The following PTPRG variants were observed in gnomAD, a reference collection of about 807,000 sequenced individuals.
PTPRG encodes the protein receptor-type tyrosine-protein phosphatase gamma.
A neutral mutation model predicts 165.3 loss-of-function variants in PTPRG; 102 were observed. The observed-to-expected ratio is 0.62, with a 90% confidence interval of 0.53 to 0.73. The LOEUF (loss-of-function observed/expected upper bound fraction) is 0.73, where lower values mean the gene tolerates loss of function less well. Among genes scored for constraint, PTPRG ranks in the 30% least tolerant of loss-of-function variants. The pLI is 0.00. For synonymous variants in PTPRG, 675 were observed against 669.5 expected (o/e 1.01, Z -0.13); for missense variants, 1,866 against 1,861.4 (o/e 1.00, Z -0.05).
chr3:61,986,720 C>G (rs1482566217), intron 2 of PTPRG, among the ~76,000 whole-genome samples: 1 of 152,084 alleles, frequency 6.6e-6, no homozygotes, highest in Non-Finnish European at 1.5e-5. Context: ...AGTTGGTGAG[C>G]CACTCAGAAG....
intron 15 of PTPRG, among the ~76,000 whole-genome samples, chr3:62,253,072 G>C (rs1213736089): frequency 6.6e-6 from 1 of 152,128 alleles, no homozygotes; most frequent in Non-Finnish European, 1.5e-5. Flanking sequence ...CATTAGCTTG[G>C]ATATTACAGT....
chr3:62,159,294 G>A lies in PTPRG; in HGVS notation c.840+2070G>A, dbSNP rs1245819768. On this transcript the variant is annotated intron_variant, in intron 7 of 29. Transcript: ENST00000474889. ...TGCAGTGAACTGTGATCATGCCACT[G>A]CGCTCCAGTGTGGATGACAGAGTGA... Among the ~76,000 whole-genome samples the A allele has an allele frequency of 4.6e-5, 7 of 152,148 alleles. No homozygotes were observed. In the East Asian group the frequency reaches 1.2e-3, roughly 25 times the overall value.
chr3:61,581,756 C>T (rs937795321), intron 1 of PTPRG, among the ~76,000 whole-genome samples: 16 of 151,630 alleles, frequency 1.1e-4, no homozygotes, highest in Non-Finnish European at 1.8e-4. Flanking sequence ...ATTAGAGGCA[C>T]GCGCCACCAC....
chr3:62,186,248 G>A (rs778140156), intron 8 of PTPRG, among the ~76,000 whole-genome samples: 50 of 152,188 alleles, frequency 3.3e-4, no homozygotes, highest in Non-Finnish European at 8.8e-5. Context: ...GCTCCTGGCA[G>A]TGACCCCAGG....
intron 3 of PTPRG, among the ~76,000 whole-genome samples, chr3:61,994,257 A>G (rs1294314351): frequency 6.6e-6 from 1 of 152,244 alleles, no homozygotes; most frequent in African/African-American, 2.4e-5. Flanking sequence ...CTTCTGATGT[A>G]TGTTAATAAG....
At chr3:61,844,568 T>C (rs1444713745) in intron 2 of PTPRG, among the ~76,000 whole-genome samples, 4 of 152,110 alleles carry the variant, frequency 2.6e-5, no homozygotes, top group Non-Finnish European at 5.9e-5. Context: ...AGTACAGTCA[T>C]GTGATCATAG....
Position 62,226,777 on chromosome 3 carries a change from T to C in PTPRG, c.2289-4448T>C, listed in dbSNP as rs568730043. On this transcript the variant is annotated intron_variant, in intron 13 of 29. Coordinates refer to ENST00000474889, the MANE Select transcript of PTPRG (RefSeq NM_002841.4). ...GATCTGGTAGATTCACTTCAGCACA[T>C]GACCAAGCCATCTGTAAATTCTGTG... Among the ~76,000 whole-genome samples, 188 of 152,304 alleles carry C rather than the reference T, an allele frequency of 1.2e-3. 1 individual carries two copies. The highest frequency in any genetic ancestry group is 2.3e-3 in the Non-Finnish European group (155 of 68,024).
At chr3:62,218,060 G>A (rs1157361086) in intron 12 of PTPRG, among the ~76,000 whole-genome samples, 1 of 152,146 alleles carries the variant, frequency 6.6e-6, no homozygotes, top group East Asian at 1.9e-4. Context: ...AGGACAAACT[G>A]GAGAAGCATA....
Position 62,230,483 on chromosome 3 carries a change from T to A in PTPRG, c.2289-742T>A, listed in dbSNP as rs145198685. On this transcript the variant is annotated intron_variant, in intron 13 of 29. Transcript: ENST00000474889. ...TAGGAATCATTTCAGTGTGAAATCC[T>A]ATAGCCCAGCTGGTTTGGGAGACTA... Among the ~76,000 whole-genome samples, 974 of 152,352 alleles carry A rather than the reference T, an allele frequency of 6.4e-3. 3 individuals carry two copies. The highest frequency in any genetic ancestry group is 0.01 in the Non-Finnish European group (700 of 68,020).
chr3:62,161,111 C>CGA (rs1704743264), intron 7 of PTPRG, among the ~76,000 whole-genome samples: 2 of 151,902 alleles, frequency 1.3e-5, no homozygotes, highest in African/African-American at 4.8e-5. Flanking sequence ...GATGATAATA[C>CGA]TCCCCTCATG....
chr3:61,898,265 G>C (rs1178313325), intron 2 of PTPRG, among the ~76,000 whole-genome samples: 5 of 152,174 alleles, frequency 3.3e-5, no homozygotes, highest in Non-Finnish European at 7.3e-5. Context: ...ATATTGCCCA[G>C]GCTGGTCTTG....
rs144073287 is a variant in PTPRG, at chr3:61,764,350, AGT to A, written c.190+15371_190+15372del. ...TTCATTCATTGAGTCATTCAGTAAA[AGT>A]GTTTATCAAGCACAAGCCAGGTGGC... On this transcript the variant is annotated intron_variant, in intron 2 of 29. Transcript: ENST00000474889. 3.2e-3 allele frequency among the ~76,000 whole-genome samples: 491 copies of A among 152,290 alleles called. 1 individual carries two copies. The highest frequency in any genetic ancestry group is 0.011 in the African/African-American group (468 of 41,566).
At chr3:61,709,890 C>A (rs1364243665) in intron 1 of PTPRG, among the ~76,000 whole-genome samples, 1 of 152,146 alleles carries the variant, frequency 6.6e-6, no homozygotes, top group Non-Finnish European at 1.5e-5. Flanking sequence ...CGGCTTGATG[C>A]AACATAGATT....
In PTPRG at chr3:62,203,853, A is replaced by G. The variant is rs1206205974; in HGVS notation, c.2058A>G (p.Ala686=). The G allele has an allele frequency of 8.1e-6, 13 of 1,614,162 alleles. No individual in the cohort carries two copies. The highest frequency in any genetic ancestry group is 9.3e-6 in the Non-Finnish European group (11 of 1,180,018). The change falls in exon 12 of 30, where the codon GCA becomes GCG. Residue 686 remains alanine (A), a synonymous_variant. Transcript: ENST00000474889. This position sits in a 1 kb window ranked among gnomAD's most constrained non-coding sequence, Gnocchi z 6.4. The part of the protein sequence containing the change: ...VPPTATEEQY[A]GSDPKRPEMP... ...CCACCGCCACAGAGGAGCAGTATGC[A>G]GGGAGTGATCCCAAGAGGCCCGAAA...
intron 4 of PTPRG, among the ~76,000 whole-genome samples, chr3:62,066,811 G>A (rs532825412): frequency 3.6e-4 from 55 of 152,252 alleles, no homozygotes; most frequent in Non-Finnish European, 1.3e-4. Flanking sequence ...AGGCCGAGGT[G>A]GGCGGATCAT....
At chr3:62,099,166 G>T (rs1321334894) in intron 5 of PTPRG, among the ~76,000 whole-genome samples, 1 of 152,170 alleles carries the variant, frequency 6.6e-6, no homozygotes, top group Non-Finnish European at 1.5e-5. Context: ...GATGGTATGA[G>T]GAAGATTTGC....
At chr3:61,727,239 G>A (rs912102650) in intron 1 of PTPRG, among the ~76,000 whole-genome samples, 4 of 150,304 alleles carry the variant, frequency 2.7e-5, no homozygotes, top group African/African-American at 9.8e-5. Context: ...ATGGAGTAGT[G>A]CGGTGGAGTG....
chr3:61,621,045 A>ATGTGTGTGTG (rs1414471842), intron 1 of PTPRG, among the ~76,000 whole-genome samples: 28 of 77,536 alleles, frequency 3.6e-4, no homozygotes, highest in Admixed American at 1.2e-3. Context: ...ATATATATAT[A>ATGTGTGTGTG]TATATATGTG....
chr3:61,629,563 C>A (rs547600000), intron 1 of PTPRG, among the ~76,000 whole-genome samples: 1 of 152,144 alleles, frequency 6.6e-6, no homozygotes, highest in Non-Finnish European at 1.5e-5. Context: ...TGTTCATCTG[C>A]GCTGCTGCTT....
Sources: allele counts gnomAD v4.1 joint callset (sites outside exome capture counted in the v4.1 genomes callset), GRCh38; gene constraint gnomAD v4.1.1; non-coding constraint Gnocchi (gnomAD v3.1); transcripts MANE v1.5; gene names NCBI Gene and HGNC (gene_info 2026-07-23, HGNC 2026-07-21).